CDH13: variants seen among roughly 807,000 people sequenced by gnomAD.
The protein encoded by CDH13 is cadherin-13.
In CDH13, 24 loss-of-function variants were observed where a neutral mutation model predicts 63.8. That is an observed-to-expected ratio of 0.38 (90% CI 0.27 to 0.53). CDH13 has a LOEUF of 0.53. CDH13 is among the 20% of genes least tolerant of loss of function. CDH13 has a pLI of 0.85. For synonymous variants in CDH13, 503 were observed against 355.3 expected, an observed-to-expected ratio of 1.42 and a Z score of -4.67; for missense variants, 1,049 against 903.1, an observed-to-expected ratio of 1.16 and a Z score of -2.07.
chr16:83,175,116 A>C (rs926777741), intron 4 of CDH13, among the ~76,000 whole-genome samples: 3 of 152,116 alleles, frequency 2.0e-5, no homozygotes, highest in Non-Finnish European at 2.9e-5. Flanking sequence ...CATACTGCAC[A>C]GTGTAGATAT....
chr16:83,751,064 G>T (rs1228007682), intron 11 of CDH13, among the ~76,000 whole-genome samples: 1 of 152,098 alleles, frequency 6.6e-6, no homozygotes, highest in East Asian at 1.9e-4. Flanking sequence ...AAGCTAGCAT[G>T]GCAGGTTCTT....
chr16:83,234,028 C>T (rs2040077580), intron 5 of CDH13, among the ~76,000 whole-genome samples: 1 of 152,186 alleles, frequency 6.6e-6, no homozygotes, highest in Non-Finnish European at 1.5e-5. Flanking sequence ...GATAATGTGG[C>T]CAGCACAGTG....
chr16:83,049,522 A>T (rs4537999), intron 3 of CDH13, among the ~76,000 whole-genome samples: 74,544 of 151,640 alleles, frequency 0.49, 20,140 homozygotes, highest in Non-Finnish European at 0.62. Context: ...TTTTTAGTAG[A>T]GACCGGGTTT....
At chr16:83,341,219 C>G (rs1413165253) in intron 5 of CDH13, among the ~76,000 whole-genome samples, 1 of 152,166 alleles carries the variant, frequency 6.6e-6, no homozygotes, top group African/African-American at 2.4e-5. Context: ...CCAGTCTTTT[C>G]AAACTAAGGT....
At chr16:83,005,805 T>C (rs1362524137) in intron 2 of CDH13, among the ~76,000 whole-genome samples, 1 of 152,234 alleles carries the variant, frequency 6.6e-6, no homozygotes, top group Non-Finnish European at 1.5e-5. Context: ...AGCTCAGTTA[T>C]TTAAAACAAT....
intron 1 of CDH13, among the ~76,000 whole-genome samples, chr16:82,737,800 T>A (rs1175003057): frequency 6.6e-6 from 1 of 152,218 alleles, no homozygotes; most frequent in Non-Finnish European, 1.5e-5. Flanking sequence ...ACAGCTTTAC[T>A]GAGGTATAAT....
chr16:82,639,735 G>T (rs1325862851), intron 1 of CDH13, among the ~76,000 whole-genome samples: 1 of 152,204 alleles, frequency 6.6e-6, no homozygotes, highest in Non-Finnish European at 1.5e-5. Context: ...TTTAGTGAGG[G>T]TTGCCATTGA....
chr16:82,649,520 T>G (rs1910482487), intron 1 of CDH13, among the ~76,000 whole-genome samples: 1 of 152,150 alleles, frequency 6.6e-6, no homozygotes, highest in South Asian at 2.1e-4. Context: ...AGAAGGTCCT[T>G]CCAGTTAAAT....
At chr16:82,845,287 A>G (rs573884722) in intron 1 of CDH13, among the ~76,000 whole-genome samples, 34 of 152,246 alleles carry the variant, frequency 2.2e-4, no homozygotes, top group African/African-American at 7.9e-4. Context: ...GTCATTTCCA[A>G]TGCACTGAGG....
At chr16:83,536,256 A>G (rs1432399062) in intron 7 of CDH13, among the ~76,000 whole-genome samples, 1 of 152,228 alleles carries the variant, frequency 6.6e-6, no homozygotes, top group Admixed American at 6.5e-5. Context: ...GGGGGGACCA[A>G]TATTAGTCAA....
At chr16:82,684,988 T>G (rs571679351) in intron 1 of CDH13, among the ~76,000 whole-genome samples, 3 of 149,224 alleles carry the variant, frequency 2.0e-5, no homozygotes, top group South Asian at 2.1e-4. Flanking sequence ...GCTGGGAAAT[T>G]TAGCCAAGGT....
chr16:83,257,993 A>G (rs182506236), intron 5 of CDH13, among the ~76,000 whole-genome samples: 5 of 152,270 alleles, frequency 3.3e-5, no homozygotes, highest in Admixed American at 3.3e-4. Context: ...TCAATGTGGT[A>G]TTGGTTTGCA....
intron 10 of CDH13, among the ~76,000 whole-genome samples, chr16:83,706,729 G>T (rs911938437): frequency 1.3e-5 from 2 of 152,152 alleles, no homozygotes; most frequent in Non-Finnish European, 2.9e-5. Flanking sequence ...GAGAAGCAAA[G>T]AAAAATAGGA....
chr16:83,436,836 C>T (rs914274899), intron 6 of CDH13, among the ~76,000 whole-genome samples: 5 of 152,124 alleles, frequency 3.3e-5, no homozygotes, highest in African/African-American at 7.2e-5. Flanking sequence ...ACATTTAATC[C>T]ATAGAGATAA....
chr16:82,780,553 A>G (rs919376863), intron 1 of CDH13, among the ~76,000 whole-genome samples: 1 of 129,416 alleles, frequency 7.7e-6, no homozygotes, highest in Non-Finnish European at 1.8e-5. Context: ...AATTATCACT[A>G]TCTATAATTT....
intron 6 of CDH13, among the ~76,000 whole-genome samples, chr16:83,365,289 A>C (rs2091237085): frequency 6.6e-6 from 1 of 152,174 alleles, no homozygotes; most frequent in Admixed American, 6.5e-5. Context: ...GTTGTAGTTC[A>C]AGACAGGCCT....
At chr16:83,113,076 G>A (rs766197824) in intron 3 of CDH13, among the ~76,000 whole-genome samples, 7 of 152,230 alleles carry the variant, frequency 4.6e-5, no homozygotes, top group East Asian at 3.9e-4. Flanking sequence ...TGATGCTATC[G>A]AAGGAAAAAG....
chr16:83,291,817 A>G (rs575942780), intron 5 of CDH13, among the ~76,000 whole-genome samples: 1 of 152,244 alleles, frequency 6.6e-6, no homozygotes, highest in East Asian at 1.9e-4. Flanking sequence ...CTGCCCCTTA[A>G]TTCATCTTGT....
At chr16:83,034,230 C>A (rs1311260007) in intron 3 of CDH13, among the ~76,000 whole-genome samples, 3 of 152,130 alleles carry the variant, frequency 2.0e-5, no homozygotes, top group Non-Finnish European at 4.4e-5. Flanking sequence ...CTTCTCACTG[C>A]AATGCTTCTG....
Sources: gnomAD v4.1 joint callset for allele counts (sites outside exome capture counted in the v4.1 genomes callset) on GRCh38, gnomAD v4.1.1 for gene constraint, MANE v1.5 for transcripts, NCBI Gene and HGNC (gene_info 2026-07-23, HGNC 2026-07-21) for gene names.